PMP22: variants seen among roughly 807,000 people sequenced by gnomAD.
PMP22 encodes the protein Charcot-Marie-Tooth neuropathy 1A (greatly reduced nerve conduction velocity, hereditary motor sensory neuropathy Ia).
Under a neutral mutation model 18.9 loss-of-function variants are expected in PMP22, and 2 were observed. The observed-to-expected ratio is 0.11, with a 90% CI of 0.04 to 0.33. PMP22 has a LOEUF of 0.33. Among genes scored for constraint, PMP22 ranks in the 10% least tolerant of loss-of-function variants. The pLI is 1.00. For missense variants in PMP22, 169 were observed against 202.2 expected (o/e 0.84, Z 1.00); for synonymous variants, 95 against 89.2 (o/e 1.07, Z -0.37).
chr17:15,261,816 T>C lies in PMP22; in HGVS notation c.-34-1055A>G, dbSNP rs1296645234. On this transcript the variant is annotated intron_variant, in intron 1 of 4. Transcript: ENST00000312280. This position sits in a 1 kb window ranked among gnomAD's most constrained non-coding sequence, Gnocchi z 5.2. ...ACTTTGGGGGAACTGAAGGCTGGGA[T>C]GACCTGTTAGAGGACATGCATGGCT... 5.9e-5 allele frequency: 9 copies of C among 152,224 alleles called. No individual in the cohort carries two copies. The highest frequency in any genetic ancestry group is 2.2e-4 in the African/African-American group (9 of 41,454). The allele number at this position is 152,224 out of a possible 1,614,324, so 9.4% of individuals were successfully genotyped here.
chr17:15,252,687 AT>A (rs1246579238), intron 3 of PMP22, among the ~76,000 whole-genome samples: 1 of 152,228 alleles, frequency 6.6e-6, no homozygotes, highest in Non-Finnish European at 1.5e-5. Context: ...AAAGGGGCAC[AT>A]TTTTTGTGCC....
intron 3 of PMP22, among the ~76,000 whole-genome samples, chr17:15,253,013 T>C (rs1009944347): frequency 2.0e-5 from 3 of 152,234 alleles, no homozygotes; most frequent in African/African-American, 7.2e-5. Flanking sequence ...TATTTGGATC[T>C]TGGAGACTTC....
At position 15,258,767 on chromosome 17, in the gene PMP22, G is replaced by A; in HGVS notation, c.178+327C>T. ...TTGATCCAATGTCCCAAGGGGGTCTGCCAAAGGCTTAGCTATCATACCACC... is the reference window on the plus strand; with the variant it reads ...TTGATCCAATGTCCCAAGGGGGTCTACCAAAGGCTTAGCTATCATACCACC... On this transcript the variant is annotated intron_variant, in intron 3 of 4. Coordinates refer to ENST00000312280, the MANE Select transcript of PMP22 (RefSeq NM_000304.4). The surrounding 1 kb of genome is among the most constrained non-coding windows in gnomAD (Gnocchi z 4.1). The A allele has an allele frequency of 2.6e-6, 1 of 388,382 alleles. No individual in the cohort carries two copies. Among genetic ancestry groups the A allele is most frequent in the Non-Finnish European group, 4.9e-6 (1 of 202,380 alleles). The allele number at this position is 388,382 out of a possible 1,614,324, so 24.1% of individuals were successfully genotyped here.
chr17:15,259,785 C>CAA (rs551702415), intron 2 of PMP22, among the ~76,000 whole-genome samples: 22 of 130,572 alleles, frequency 1.7e-4, no homozygotes, highest in African/African-American at 5.3e-4. Flanking sequence ...ACTAAAAATA[C>CAA]AAAAAAAAAA....
chr17:15,260,982 G>T, intron 1 of PMP22: 2 of 307,404 alleles, frequency 6.5e-6, no homozygotes, highest in Non-Finnish European at 5.8e-6. Context: ...AGCCGGGCCC[G>T]CCTGCAACGG....
intron 3 of PMP22, among the ~76,000 whole-genome samples, chr17:15,257,752 C>A (rs968388306): frequency 6.6e-6 from 1 of 152,338 alleles, no homozygotes; most frequent in African/African-American, 2.4e-5. Flanking sequence ...CACTCAGAGA[C>A]AAGATTAAGC....
At chr17:15,249,518 G>A (rs1281186812) in intron 3 of PMP22, among the ~76,000 whole-genome samples, 2 of 152,168 alleles carry the variant, frequency 1.3e-5, no homozygotes, top group Admixed American at 1.3e-4. Context: ...CCATTCTTCA[G>A]ACTTAGAATC....
intron 4 of PMP22, among the ~76,000 whole-genome samples, chr17:15,233,080 A>C (rs1906495130): frequency 6.6e-6 from 1 of 152,230 alleles, no homozygotes; most frequent in African/African-American, 2.4e-5. Flanking sequence ...AATAGAGAAA[A>C]GGATGATTCT....
intron 4 of PMP22, among the ~76,000 whole-genome samples, chr17:15,237,607 A>C (rs1173513320): frequency 6.6e-6 from 1 of 152,366 alleles, no homozygotes; most frequent in East Asian, 1.9e-4. Context: ...TGTGTTCTTT[A>C]AATTTTTTGG....
intron 1 of PMP22, 93 bp from the exon 2 acceptor site, chr17:15,260,854 C>G (rs1275766157): frequency 1.1e-6 from 1 of 903,756 alleles, no homozygotes; most frequent in East Asian, 2.7e-5. Flanking sequence ...AGCGGAAGGC[C>G]CGGCCTGGCC....
At chr17:15,247,366 C>A (rs1399556718) in intron 3 of PMP22, among the ~76,000 whole-genome samples, 1 of 152,184 alleles carries the variant, frequency 6.6e-6, no homozygotes, top group African/African-American at 2.4e-5. Context: ...GAGACTGTCT[C>A]AAAAACAACA....
At chr17:15,246,319 G>T (rs1907811353) in intron 3 of PMP22, among the ~76,000 whole-genome samples, 1 of 152,212 alleles carries the variant, frequency 6.6e-6, no homozygotes, top group Non-Finnish European at 1.5e-5. Flanking sequence ...AGATGTAAAT[G>T]AGTGGGTGTG....
At chr17:15,235,851 CAA>C (rs1906755387) in intron 4 of PMP22, among the ~76,000 whole-genome samples, 1 of 152,074 alleles carries the variant, frequency 6.6e-6, no homozygotes, top group Admixed American at 6.6e-5. Flanking sequence ...CTCCTAGGTT[CAA>C]GTGATTCTTC....
intron 3 of PMP22, among the ~76,000 whole-genome samples, chr17:15,244,119 T>C (rs1373713481): frequency 6.6e-6 from 1 of 152,054 alleles, no homozygotes; most frequent in East Asian, 1.9e-4. Flanking sequence ...TGAAAAGCCA[T>C]GTGATTAGCA....
intron 3 of PMP22, among the ~76,000 whole-genome samples, chr17:15,244,927 G>A (rs1000734846): frequency 6.6e-6 from 1 of 152,140 alleles, no homozygotes; most frequent in African/African-American, 2.4e-5. Flanking sequence ...AGATTACAAA[G>A]GTAAAAACAG....
chr17:15,240,770 C>T (rs1193513737), intron 3 of PMP22, among the ~76,000 whole-genome samples: 4 of 152,176 alleles, frequency 2.6e-5, no homozygotes, highest in African/African-American at 9.7e-5. Context: ...ACTGGGGAAG[C>T]TGCAGCATTT....
In PMP22 at chr17:15,251,284, T is replaced by C. The variant is rs74839383; in HGVS notation, c.178+7810A>G. 3.3e-3 allele frequency among the ~76,000 whole-genome samples: 506 copies of C among 152,262 alleles called. 24 individuals carry two copies. The East Asian group carries it at 0.074, about 22-fold the overall frequency. ...GATGACTTTCCATTGGATCACCCTA[T>C]TTGTTTCCTGCAGAGCATGTTCCAC... On this transcript the variant is annotated intron_variant, in intron 3 of 4. Coordinates refer to ENST00000312280, the MANE Select transcript of PMP22 (RefSeq NM_000304.4).
At chr17:15,243,203 A>G (rs1002837433) in intron 3 of PMP22, among the ~76,000 whole-genome samples, 1 of 152,202 alleles carries the variant, frequency 6.6e-6, no homozygotes, top group African/African-American at 2.4e-5. Flanking sequence ...AGAAAAAAAT[A>G]TTAAAATACA....
At chr17:15,256,121 C>T (rs957689487) in intron 3 of PMP22, among the ~76,000 whole-genome samples, 5 of 152,138 alleles carry the variant, frequency 3.3e-5, no homozygotes, top group African/African-American at 9.7e-5. Flanking sequence ...AGAAGGCAGG[C>T]GGAGTCAAAG....
Sources: allele counts gnomAD v4.1 joint callset (sites outside exome capture counted in the v4.1 genomes callset), GRCh38; gene constraint gnomAD v4.1.1; non-coding constraint Gnocchi (gnomAD v3.1); transcripts MANE v1.5; gene names NCBI Gene and HGNC (gene_info 2026-07-23, HGNC 2026-07-21).